The following THTPA variants were observed in gnomAD, a reference collection of about 807,000 sequenced individuals.
THTPA encodes thiamine triphosphatase, also known as thiamine-triphosphatase.
THTPA carries 16 observed loss-of-function variants against 16.5 expected under a neutral mutation model. That is an observed-to-expected ratio of 0.97 (90% CI 0.66 to 1.47). The LOEUF is 1.47. THTPA is among the 40% of genes most tolerant of loss of function. The pLI is 0.00. For missense variants in THTPA, 281 were observed against 280.9 expected, an observed-to-expected ratio of 1.00 and a Z score of 0.00; for synonymous variants, 110 against 115.5, an observed-to-expected ratio of 0.95 and a Z score of 0.30.
intron 1 of THTPA, 101 bp downstream of exon 1, chr14:23,557,405 A>AC: frequency 8.3e-7 from 1 of 1,209,504 alleles, no homozygotes; most frequent in Non-Finnish European, 1.1e-6. Flanking sequence ...CGGATTAAAA[A>AC]TTTTTTTTTT....
At position 23,556,955 on chromosome 14, in the gene THTPA, T is replaced by C. The variant is rs1162549768; in HGVS notation, c.198T>C (p.Cys66=). ...RREDSGWELK[C]PGAAGVLGPH... is the part of the protein sequence containing the mutation. ...AGGATAGTGGATGGGAGCTCAAATG[T>C]CCTGGAGCAGCAGGTGTCTTAGGAC... The change falls in exon 1 of 2, where the codon TGT becomes TGC. Residue 66 remains cysteine, a synonymous_variant. Transcript: ENST00000288014. 11 of 1,613,964 alleles carry C rather than the reference T, an allele frequency of 6.8e-6. No homozygotes were observed. The highest frequency in any genetic ancestry group is 8.5e-6 in the Non-Finnish European group (10 of 1,180,024).
the THTPA span, among the ~76,000 whole-genome samples, chr14:23,516,561 G>A: frequency 1.3e-5 from 2 of 152,310 alleles, no homozygotes; most frequent in East Asian, 1.9e-4. Flanking sequence ...CTGGCTGCCC[G>A]TGGGTTTCTG....
upstream of THTPA, among the ~76,000 whole-genome samples, chr14:23,554,481 A>C (rs890775955): frequency 6.6e-6 from 1 of 151,824 alleles, no homozygotes; most frequent in Non-Finnish European, 1.5e-5. Context: ...GGCTCAAGCT[A>C]TCCCGCTGCC....
chr14:23,516,764 A>G, the THTPA span, among the ~76,000 whole-genome samples: 54,460 of 152,108 alleles, frequency 0.36, 12,074 homozygotes, highest in African/African-American at 0.63. Context: ...AAATGGCAGA[A>G]GATGCTGTGG....
At chr14:23,534,364 G>T in the THTPA span, 2 of 1,536,694 alleles carry the variant, frequency 1.3e-6, no homozygotes, top group Non-Finnish European at 1.7e-6. The surrounding 1 kb of genome is among the most constrained non-coding windows in gnomAD (Gnocchi z 4.5). Context: ...GCCATCCTCT[G>T]TCTGGGCCAC....
chr14:23,524,393 C>T, the THTPA span: 85 of 1,536,192 alleles, frequency 5.5e-5, no homozygotes, highest in African/African-American at 1.1e-3. The surrounding 1 kb of genome is among the most constrained non-coding windows in gnomAD (Gnocchi z 5.6). Flanking sequence ...CTCGCCCTCC[C>T]CTCCTCCCCC....
the THTPA span, chr14:23,526,838 A>T: frequency 6.6e-7 from 1 of 1,526,542 alleles, no homozygotes. Context: ...TTGCTGTTCC[A>T]TTCCTTACCT....
the THTPA span, chr14:23,535,183 G>A: frequency 6.5e-7 from 1 of 1,532,046 alleles, no homozygotes; most frequent in Non-Finnish European, 8.7e-7. This position sits in a 1 kb window ranked among gnomAD's most constrained non-coding sequence, Gnocchi z 4.5. Flanking sequence ...CATGTTCTCA[G>A]AGGTGGAGGA....
the THTPA span, among the ~76,000 whole-genome samples, chr14:23,549,837 C>T: frequency 6.6e-6 from 1 of 152,130 alleles, no homozygotes; most frequent in Non-Finnish European, 1.5e-5. Context: ...CTCTCCCAGC[C>T]CTTTGCTTGC....
the THTPA span, among the ~76,000 whole-genome samples, chr14:23,536,390 C>G: frequency 6.6e-6 from 1 of 152,160 alleles, no homozygotes; most frequent in African/African-American, 2.4e-5. Flanking sequence ...ATTGATTTCC[C>G]CTGGCATGCA....
chr14:23,537,779 G>C, the THTPA span, among the ~76,000 whole-genome samples: 193 of 152,292 alleles, frequency 1.3e-3, 2 homozygotes, highest in Non-Finnish European at 2.4e-3. Context: ...TCCATGGTGG[G>C]GGAGAGGGGT....
the THTPA span, chr14:23,535,033 T>A: frequency 6.5e-7 from 1 of 1,536,228 alleles, no homozygotes. The surrounding 1 kb of genome is among the most constrained non-coding windows in gnomAD (Gnocchi z 4.5). Flanking sequence ...TTCCTCCTCC[T>A]GCTCCTTGTC....
chr14:23,528,988 G>GGA, the THTPA span, among the ~76,000 whole-genome samples: 1 of 152,262 alleles, frequency 6.6e-6, no homozygotes, highest in African/African-American at 2.4e-5. Flanking sequence ...TCTGTTGGCG[G>GGA]GAGCAGGAGT....
the THTPA span, among the ~76,000 whole-genome samples, chr14:23,516,377 T>G: frequency 6.6e-6 from 1 of 152,056 alleles, no homozygotes; most frequent in East Asian, 1.9e-4. Context: ...TGTTGTGGGG[T>G]GTGTGTATGC....
At chr14:23,522,194 T>C in the THTPA span, 5 of 1,488,754 alleles carry the variant, frequency 3.4e-6, no homozygotes, top group African/African-American at 1.4e-5. Flanking sequence ...TGCCAGGCAG[T>C]GGTAGGTGCA....
the THTPA span, chr14:23,532,533 C>T: frequency 1.4e-6 from 2 of 1,429,026 alleles, no homozygotes; most frequent in African/African-American, 2.9e-5. Context: ...ATTCCCTTCT[C>T]CTCTTCCGAT....
At chr14:23,527,332 G>T in the THTPA span, among the ~76,000 whole-genome samples, 3 of 152,184 alleles carry the variant, frequency 2.0e-5, no homozygotes, top group Non-Finnish European at 4.4e-5. Flanking sequence ...TCAGTTCTGA[G>T]TCTCCCTCTC....
the THTPA span, among the ~76,000 whole-genome samples, chr14:23,540,808 G>A: frequency 3.3e-5 from 5 of 152,222 alleles, no homozygotes; most frequent in African/African-American, 1.2e-4. Flanking sequence ...AATGAGGGTA[G>A]TTCTTTTCCT....
rs61977711 is a variant in THTPA, at chr14:23,559,884, C to T, written c.*1044C>T. 2 of 1,612,288 alleles carry T rather than the reference C, an allele frequency of 1.2e-6. No individual in the cohort carries two copies. The highest frequency in any genetic ancestry group is 1.7e-6 in the Non-Finnish European group (2 of 1,178,650). On this transcript the variant is annotated 3_prime_UTR_variant, in exon 2 of 2. Transcript: ENST00000288014. ...AGGAGAGCAGGGACCAGGGTTAGCACCCACGGCTTCTTCTATCCCTGGGTC... is the reference window on the plus strand; with the variant it reads ...AGGAGAGCAGGGACCAGGGTTAGCATCCACGGCTTCTTCTATCCCTGGGTC...
Sources: allele counts gnomAD v4.1 joint callset (sites outside exome capture counted in the v4.1 genomes callset), GRCh38; gene constraint gnomAD v4.1.1; non-coding constraint Gnocchi (gnomAD v3.1); transcripts MANE v1.5; gene names NCBI Gene and HGNC (gene_info 2026-07-23, HGNC 2026-07-21).